CACNA2D3: variants seen among roughly 807,000 people sequenced by gnomAD.
CACNA2D3 encodes the protein calcium voltage-gated channel auxiliary subunit alpha2delta 3.
CACNA2D3 carries 60 observed loss-of-function variants against 160.6 expected under a neutral mutation model. The observed-to-expected ratio is 0.37, with a 90% CI of 0.30 to 0.46. The LOEUF is 0.46. Ranked by LOEUF, CACNA2D3 falls within the 20% of genes least tolerant of loss-of-function variation. The pLI is 1.00. For missense variants in CACNA2D3, 1,205 were observed against 1,365.0 expected, an observed-to-expected ratio of 0.88 and a Z score of 1.85; for synonymous variants, 558 against 492.9, an observed-to-expected ratio of 1.13 and a Z score of -1.75.
intron 2 of CACNA2D3, among the ~76,000 whole-genome samples, chr3:54,298,429 TA>T (rs1221481871): frequency 6.6e-6 from 1 of 152,228 alleles, no homozygotes; most frequent in African/African-American, 2.4e-5. Flanking sequence ...TTCAGGTTCA[TA>T]AAACCGACAG....
chr3:54,969,936 C>A, intron 29 of CACNA2D3, 92 bp downstream of exon 29: 3 of 1,084,350 alleles, frequency 2.8e-6, no homozygotes, highest in Non-Finnish European at 4.2e-6. Flanking sequence ...ATAAACAAGG[C>A]CAGGTTGACG....
chr3:54,695,361 T>G (rs1700645392), intron 11 of CACNA2D3, among the ~76,000 whole-genome samples: 11 of 151,818 alleles, frequency 7.2e-5, no homozygotes, highest in Admixed American at 7.2e-4. Flanking sequence ...TGAACAGTAT[T>G]CAAGTTTAGT....
At chr3:54,464,907 G>A (rs973432891) in intron 4 of CACNA2D3, among the ~76,000 whole-genome samples, 4 of 152,060 alleles carry the variant, frequency 2.6e-5, no homozygotes, top group African/African-American at 9.7e-5. Context: ...GTTCCTATTT[G>A]GCCATCTTCT....
At chr3:54,499,423 A>G (rs1701252485) in intron 4 of CACNA2D3, among the ~76,000 whole-genome samples, 1 of 152,126 alleles carries the variant, frequency 6.6e-6, no homozygotes, top group South Asian at 2.1e-4. Flanking sequence ...TTTGCAGAAT[A>G]AAAAATATAC....
chr3:54,352,576 G>A (rs934869906), intron 3 of CACNA2D3, among the ~76,000 whole-genome samples: 7 of 152,188 alleles, frequency 4.6e-5, no homozygotes, highest in African/African-American at 1.7e-4. Flanking sequence ...GGTTTGGAAA[G>A]GCCCTTCCCA....
At chr3:54,438,894 G>C (rs1339558483) in intron 4 of CACNA2D3, among the ~76,000 whole-genome samples, 1 of 152,096 alleles carries the variant, frequency 6.6e-6, no homozygotes, top group Non-Finnish European at 1.5e-5. Context: ...TAGTTTTCTG[G>C]TAGCTTCTGG....
At chr3:54,563,902 C>T (rs924733794) in intron 6 of CACNA2D3, among the ~76,000 whole-genome samples, 1 of 152,140 alleles carries the variant, frequency 6.6e-6, no homozygotes, top group Non-Finnish European at 1.5e-5. Context: ...CTCTGCTTTG[C>T]CAGATTACAG....
In CACNA2D3 at chr3:54,825,224, T is replaced by G. The variant is rs1257481177; in HGVS notation, c.1398+8354T>G. 3.3e-5 allele frequency among the ~76,000 whole-genome samples: 5 copies of G among 152,342 alleles called. No homozygotes were observed. In the South Asian group the frequency reaches 1.0e-3, roughly 32 times the overall value. On this transcript the variant is annotated intron_variant, in intron 14 of 37. Transcript: ENST00000474759. ...TTTTTAAAGTTGTTTTCATCTCAGT[T>G]GTTCTTACATCCTCGAAGATATAAA...
At chr3:54,383,808 G>T (rs958504900) in intron 3 of CACNA2D3, among the ~76,000 whole-genome samples, 4 of 152,154 alleles carry the variant, frequency 2.6e-5, no homozygotes, top group African/African-American at 4.8e-5. Flanking sequence ...CAGTGTTCTG[G>T]CTGCTCTTAG....
chr3:54,460,842 C>G (rs1330942222), intron 4 of CACNA2D3, among the ~76,000 whole-genome samples: 74 of 151,618 alleles, frequency 4.9e-4, no homozygotes, highest in African/African-American at 1.5e-3. Context: ...GAGGGCATCC[C>G]TGTCTTGTGC....
At chr3:54,452,583 T>C (rs1191015931) in intron 4 of CACNA2D3, among the ~76,000 whole-genome samples, 1 of 152,170 alleles carries the variant, frequency 6.6e-6, no homozygotes, top group Non-Finnish European at 1.5e-5. Flanking sequence ...ATCTCAAAAT[T>C]ATTCCATTAC....
At chr3:54,715,111 C>T (rs1012460430) in intron 11 of CACNA2D3, among the ~76,000 whole-genome samples, 1 of 152,174 alleles carries the variant, frequency 6.6e-6, no homozygotes, top group Non-Finnish European at 1.5e-5. Context: ...AGGACAGTTG[C>T]AAGTAGTAGA....
At chr3:54,253,863 G>T (rs1351488521) in intron 2 of CACNA2D3, among the ~76,000 whole-genome samples, 1 of 151,986 alleles carries the variant, frequency 6.6e-6, no homozygotes, top group East Asian at 1.9e-4. Context: ...TGCCACCCAC[G>T]TTCAAGCAAT....
chr3:54,815,454 A>T (rs1427990929), intron 13 of CACNA2D3, among the ~76,000 whole-genome samples: 2 of 152,218 alleles, frequency 1.3e-5, no homozygotes, highest in Non-Finnish European at 2.9e-5. Context: ...CAGAAGAGAA[A>T]GCATTCTTCC....
chr3:54,224,741 A>G (rs112151041), intron 2 of CACNA2D3, among the ~76,000 whole-genome samples: 1 of 152,096 alleles, frequency 6.6e-6, no homozygotes, highest in Non-Finnish European at 1.5e-5. Flanking sequence ...AAACTTTAAG[A>G]TATTATTCTT....
At chr3:54,739,977 C>T (rs1379739599) in intron 11 of CACNA2D3, among the ~76,000 whole-genome samples, 3 of 152,042 alleles carry the variant, frequency 2.0e-5, no homozygotes, top group Non-Finnish European at 4.4e-5. Flanking sequence ...CCCATTGTGC[C>T]TCCAGCCTGC....
intron 9 of CACNA2D3, among the ~76,000 whole-genome samples, chr3:54,591,574 T>TTG (rs1331147213): frequency 1.4e-4 from 21 of 150,620 alleles, no homozygotes; most frequent in Non-Finnish European, 2.8e-4. Context: ...AAAGTTTTTT[T>TTG]TTTTTTTTTT....
At position 54,804,968 on chromosome 3, in the gene CACNA2D3, A is replaced by G. The variant is rs142686658; in HGVS notation, c.1381-11885A>G. On this transcript the variant is annotated intron_variant, in intron 13 of 37. Coordinates refer to ENST00000474759, the MANE Select transcript of CACNA2D3 (RefSeq NM_018398.3). ...GAATGACTACTGGGTACAGAACGAAATGAAGGCAGAAATAAAGATGTTCTT... is the reference window on the plus strand; with the variant it reads ...GAATGACTACTGGGTACAGAACGAAGTGAAGGCAGAAATAAAGATGTTCTT... Among the ~76,000 whole-genome samples the G allele has an allele frequency of 7.8e-3, 1,182 of 152,352 alleles. 14 individuals carry two copies. The highest frequency in any genetic ancestry group is 0.026 in the African/African-American group (1,097 of 41,570).
At chr3:54,902,521 C>G (rs984497935) in intron 27 of CACNA2D3, among the ~76,000 whole-genome samples, 2 of 152,170 alleles carry the variant, frequency 1.3e-5, no homozygotes, top group Non-Finnish European at 2.9e-5. Flanking sequence ...CCTGCCAACT[C>G]TCCAGCTGCC....
Sources: allele counts gnomAD v4.1 joint callset (sites outside exome capture counted in the v4.1 genomes callset), GRCh38; gene constraint gnomAD v4.1.1; transcripts MANE v1.5; gene names NCBI Gene and HGNC (gene_info 2026-07-23, HGNC 2026-07-21).